Variants in RFX3 observed in about 807,000 individuals in gnomAD.
RFX3 encodes transcription factor RFX3.
RFX3 carries 14 observed loss-of-function variants against 98.6 expected under a neutral mutation model. That is an observed-to-expected ratio of 0.14 (90% CI 0.09 to 0.22). The LOEUF is 0.22. Among genes scored for constraint, RFX3 ranks in the 10% least tolerant of loss-of-function variants. The probability of loss-of-function intolerance (pLI) is 1.00; values close to 1 mark genes in which losing one functional copy is unlikely to be tolerated. For missense variants in RFX3, 639 were observed against 926.9 expected (o/e 0.69, Z 4.03); for synonymous variants, 383 against 328.4 (o/e 1.17, Z -1.80).
chr9:3,321,268 A>G (rs954924681), intron 4 of RFX3, among the ~76,000 whole-genome samples: 5 of 152,180 alleles, frequency 3.3e-5, no homozygotes, highest in African/African-American at 9.7e-5. Flanking sequence ...TTTCATATAC[A>G]TAACAGTATT....
At chr9:3,411,591 C>T (rs1007597432) in intron 1 of RFX3, among the ~76,000 whole-genome samples, 2 of 151,550 alleles carry the variant, frequency 1.3e-5, no homozygotes, top group Middle Eastern at 3.4e-3. Context: ...TCCTCCCACC[C>T]CAGCCTCCCG....
In RFX3 at chr9:3,507,172, T is replaced by A. The variant is rs531300135; in HGVS notation, c.-9+18575A>T. 5.9e-5 allele frequency among the ~76,000 whole-genome samples: 9 copies of A among 151,878 alleles called. No individual in the cohort carries two copies. In the South Asian group the frequency reaches 1.9e-3, roughly 31 times the overall value. On this transcript the variant is annotated intron_variant, in intron 1 of 16. Coordinates refer to ENST00000617270, the MANE Select transcript of RFX3 (RefSeq NM_001282116.2). ...ACAACTGAACAAACAAAAATCTAAA[T>A]CACAATTTCCAATTAGCAGAGATAA...
intron 1 of RFX3, among the ~76,000 whole-genome samples, chr9:3,449,219 C>A (rs1482866363): frequency 2.0e-5 from 3 of 152,166 alleles, no homozygotes; most frequent in African/African-American, 7.2e-5. Context: ...TAATTTCCTT[C>A]TGTCGTGTCC....
At chr9:3,270,934 A>G (rs570000112) in intron 10 of RFX3, 69 bp downstream of exon 10, 281 of 1,606,124 alleles carry the variant, frequency 1.7e-4, no homozygotes, top group Non-Finnish European at 2.3e-4. Flanking sequence ...TGGTATACAT[A>G]TCTCTAATTT....
At chr9:3,397,023 C>G (rs12343498) in intron 1 of RFX3, among the ~76,000 whole-genome samples, 11,110 of 152,126 alleles carry the variant, frequency 0.073, 1,204 homozygotes, top group African/African-American at 0.24. Context: ...ACAAAGATAG[C>G]CCCAAATCCA....
At chr9:3,511,812 A>G (rs930540604) in intron 1 of RFX3, among the ~76,000 whole-genome samples, 1 of 152,072 alleles carries the variant, frequency 6.6e-6, no homozygotes, top group African/African-American at 2.4e-5. Context: ...ATTCAAGTAA[A>G]GGAGACTTGA....
intron 4 of RFX3, among the ~76,000 whole-genome samples, chr9:3,323,064 C>T (rs1831493392): frequency 6.6e-6 from 1 of 152,128 alleles, no homozygotes. Flanking sequence ...AATTTACTGC[C>T]ACCAATAGTT....
chr9:3,270,934 A>T, intron 10 of RFX3, 69 bp downstream of exon 10: 1 of 1,606,242 alleles, frequency 6.2e-7, no homozygotes. Context: ...TGGTATACAT[A>T]TCTCTAATTT....
intron 2 of RFX3, among the ~76,000 whole-genome samples, chr9:3,362,883 T>G (rs1836620548): frequency 1.3e-5 from 2 of 152,188 alleles, no homozygotes; most frequent in South Asian, 2.1e-4. Context: ...GGGGAGTGTG[T>G]CTGGGAGCAG....
chr9:3,232,361 C>A (rs761110383), intron 15 of RFX3, among the ~76,000 whole-genome samples: 1 of 152,148 alleles, frequency 6.6e-6, no homozygotes, highest in Non-Finnish European at 1.5e-5. Context: ...GCTTTCCTGG[C>A]AGCCCTATCT....
chr9:3,379,978 G>A (rs1227825601), intron 2 of RFX3, among the ~76,000 whole-genome samples: 1 of 151,716 alleles, frequency 6.6e-6, no homozygotes, highest in East Asian at 1.9e-4. Flanking sequence ...CCAGGCTGGA[G>A]TACAATGGTG....
chr9:3,318,265 T>G (rs1393930653), intron 4 of RFX3, among the ~76,000 whole-genome samples: 2 of 152,168 alleles, frequency 1.3e-5, no homozygotes, highest in East Asian at 1.9e-4. Context: ...AGCAAACTAG[T>G]GCAAGGACAG....
intron 1 of RFX3, among the ~76,000 whole-genome samples, chr9:3,402,149 A>G (rs978493060): frequency 2.0e-5 from 3 of 152,158 alleles, no homozygotes; most frequent in African/African-American, 7.2e-5. Context: ...AAACAGAACT[A>G]TGTTACTGGG....
At chr9:3,398,644 A>G (rs1015475549) in intron 1 of RFX3, among the ~76,000 whole-genome samples, 2 of 152,096 alleles carry the variant, frequency 1.3e-5, no homozygotes, top group African/African-American at 4.8e-5. Flanking sequence ...GTTTCTTACA[A>G]TGATGTCACT....
chr9:3,505,234 A>ATATACATTTT (rs1816849779), intron 1 of RFX3, among the ~76,000 whole-genome samples: 12 of 83,396 alleles, frequency 1.4e-4, no homozygotes, highest in African/African-American at 7.1e-4. Flanking sequence ...ATATATGAAT[A>ATATACATTTT]TATATTTATA....
At chr9:3,395,659 C>T (rs905845845) in intron 1 of RFX3, 63 bp from the exon 2 acceptor site, 33 of 1,563,726 alleles carry the variant, frequency 2.1e-5, no homozygotes, top group Non-Finnish European at 2.8e-5. Flanking sequence ...AGCTTCCTTA[C>T]AATTGTTCTT....
chr9:3,411,562 G>A (rs116259166), intron 1 of RFX3, among the ~76,000 whole-genome samples: 4,006 of 151,556 alleles, frequency 0.026, 188 homozygotes, highest in African/African-American at 0.093. Flanking sequence ...GGAAGCCTCC[G>A]CCTCCTGGGT....
chr9:3,387,092 T>C (rs1225706670), intron 2 of RFX3, among the ~76,000 whole-genome samples: 1 of 152,196 alleles, frequency 6.6e-6, no homozygotes, highest in African/African-American at 2.4e-5. Context: ...AGTTTGTTTT[T>C]CTTGTGAATT....
chr9:3,248,049 T>C lies in RFX3; in HGVS notation c.1951A>G (p.Ile651Val), dbSNP rs1016200720. Residue 651 changes from isoleucine (I) to valine (V), a missense_variant, in exon 15 of 17, where the codon ATA becomes GTA. Physicochemically the swap from Ile to Val is conservative, Grantham distance 29 (BLOSUM62 3). Transcript: ENST00000617270. ...TCTCTTACCTCGCCCATGACTGCTA[T>C]AGGAGTCTCTCCTGTTGCCTGAGCA... ...RVAQATGETP[I>V]AVMGEFGDLN... 3.1e-6 allele frequency: 5 copies of C among 1,614,040 alleles called. No homozygotes were observed. Among genetic ancestry groups the C allele is most frequent in the South Asian group, 1.1e-5 (1 of 91,082 alleles).
Sources: gnomAD v4.1 joint callset for allele counts (sites outside exome capture counted in the v4.1 genomes callset) on GRCh38, gnomAD v4.1.1 for gene constraint, MANE v1.5 for transcripts, NCBI Gene and HGNC (gene_info 2026-07-23, HGNC 2026-07-21) for gene names.